SPATA13: variants seen among roughly 807,000 people sequenced by gnomAD.
SPATA13 encodes the protein spermatogenesis-associated protein 13.
SPATA13 carries 50 observed loss-of-function variants against 104.0 expected under a neutral mutation model. The ratio of observed to expected loss-of-function variants is 0.48; its 90% confidence interval spans 0.38 to 0.61. The LOEUF (loss-of-function observed/expected upper bound fraction) is 0.61, where lower values mean the gene tolerates loss of function less well. SPATA13 is among the 20% of genes least tolerant of loss of function. SPATA13 has a pLI of 0.00. For missense variants in SPATA13, 1,524 were observed against 1,690.6 expected (o/e 0.90, Z 1.73); for synonymous variants, 606 against 667.5 (o/e 0.91, Z 1.42).
Position 24,150,194 on chromosome 13 carries a change from C to T in SPATA13, c.-111-72625C>T, listed in dbSNP as rs114611074. Among the ~76,000 whole-genome samples the T allele has an allele frequency of 5.3e-3, 803 of 152,274 alleles. 7 individuals carry two copies. Among genetic ancestry groups the T allele is most frequent in the African/African-American group, 0.019 (778 of 41,552 alleles). ...GACACATTGGCTCTACAGTGCCCGT[C>T]TCCCGTGCTCTCCTCCCACAGCCTC... On this transcript the variant is annotated intron_variant, in intron 3 of 14. Coordinates refer to the SPATA13 transcript ENST00000424834.
At chr13:24,189,639 T>TTC (rs1869400219) in intron 1 of SPATA13, among the ~76,000 whole-genome samples, 1 of 19,148 alleles carries the variant, frequency 5.2e-5, no homozygotes, top group Non-Finnish European at 1.9e-4. Flanking sequence ...ATATATATAT[T>TTC]TATATATATA....
At chr13:23,986,830 A>G (rs567721601) in intron 2 of SPATA13, among the ~76,000 whole-genome samples, 28 of 152,136 alleles carry the variant, frequency 1.8e-4, no homozygotes, top group Non-Finnish European at 4.0e-4. Flanking sequence ...TTGCTGTTGT[A>G]TTCCATCTCA....
chr13:24,173,120 C>A (rs1883049701), intron 1 of SPATA13, among the ~76,000 whole-genome samples: 1 of 152,078 alleles, frequency 6.6e-6, no homozygotes. Flanking sequence ...CTCCGTCATC[C>A]AGGCTGGAGT....
chr13:24,137,728 C>T (rs1165903784), intron 3 of SPATA13, among the ~76,000 whole-genome samples: 1 of 152,172 alleles, frequency 6.6e-6, no homozygotes, highest in Non-Finnish European at 1.5e-5. Flanking sequence ...TAATGCACTC[C>T]AGCCTGGGAG....
intron 1 of SPATA13, among the ~76,000 whole-genome samples, chr13:24,181,806 T>C (rs1868831111): frequency 6.7e-6 from 1 of 148,966 alleles, no homozygotes; most frequent in Admixed American, 6.8e-5. Context: ...GCATACACTT[T>C]ACATGAACTA....
chr13:24,302,990 C>G lies in SPATA13; in HGVS notation c.*217C>G, dbSNP rs548236875. ...GACGGTCATGACACAAAGCTTTATC[C>G]TACACAGAAACACCCGTGACCCACT... On this transcript the variant is annotated 3_prime_UTR_variant, in exon 13 of 13. Coordinates refer to ENST00000382108, the MANE Select transcript of SPATA13 (RefSeq NM_001166271.3). The G allele has an allele frequency of 2.7e-4, 165 of 615,146 alleles. 10 individuals are homozygous for G. The South Asian group carries it at 3.0e-3, about 11-fold the overall frequency. 38.1% of individuals were successfully genotyped at this position (615,146 alleles called of 1,614,324 possible).
At chr13:24,102,832 G>A (rs575576347) in intron 3 of SPATA13, among the ~76,000 whole-genome samples, 38 of 152,182 alleles carry the variant, frequency 2.5e-4, no homozygotes, top group African/African-American at 8.9e-4. Flanking sequence ...TGCTTTTGTT[G>A]CCGATGGTTT....
chr13:24,038,726 G>A (rs1877807961), intron 3 of SPATA13, among the ~76,000 whole-genome samples: 1 of 152,146 alleles, frequency 6.6e-6, no homozygotes, highest in Non-Finnish European at 1.5e-5. Flanking sequence ...ACAAGCAGGG[G>A]CTGCATTTGG....
intron 4 of SPATA13, among the ~76,000 whole-genome samples, chr13:24,263,608 T>A (rs1874161949): frequency 6.6e-6 from 1 of 152,236 alleles, no homozygotes; most frequent in Non-Finnish European, 1.5e-5. Flanking sequence ...CTTAAAGACC[T>A]AATATTAATG....
intron 3 of SPATA13, among the ~76,000 whole-genome samples, chr13:24,065,673 G>T (rs577420629): frequency 3.1e-4 from 47 of 152,186 alleles, no homozygotes; most frequent in Non-Finnish European, 6.5e-4. Flanking sequence ...TTGATGAATA[G>T]ATGGAATTAA....
intron 3 of SPATA13, among the ~76,000 whole-genome samples, chr13:24,113,832 T>G (rs1377865602): frequency 8.2e-6 from 1 of 122,314 alleles, no homozygotes. Flanking sequence ...ATTGCACCAC[T>G]ACACTCCAGT....
chr13:24,278,973 C>CTT (rs1875261746), intron 4 of SPATA13, among the ~76,000 whole-genome samples: 1 of 39,804 alleles, frequency 2.5e-5, no homozygotes, highest in African/African-American at 7.9e-5. Context: ...TCCCTCCTTC[C>CTT]CTCCCTCCCT....
chr13:24,275,024 C>T (rs902029554), intron 4 of SPATA13, among the ~76,000 whole-genome samples: 2 of 152,216 alleles, frequency 1.3e-5, no homozygotes, highest in African/African-American at 4.8e-5. Flanking sequence ...GGACTACCCT[C>T]CCCCACTTAT....
chr13:24,067,658 T>A (rs2137761810), intron 3 of SPATA13, among the ~76,000 whole-genome samples: 1 of 152,310 alleles, frequency 6.6e-6, no homozygotes, highest in East Asian at 1.9e-4. Flanking sequence ...AACAGAATCT[T>A]GGGGTAGAAA....
At chr13:24,123,646 C>A in intron 3 of SPATA13, 6 of 1,604,266 alleles carry the variant, frequency 3.7e-6, no homozygotes, top group East Asian at 2.2e-5. Context: ...GAAATGAAAT[C>A]TTCAAACACA....
intron 1 of SPATA13, among the ~76,000 whole-genome samples, chr13:24,174,472 T>C (rs1321919831): frequency 1.3e-5 from 2 of 152,070 alleles, no homozygotes; most frequent in Non-Finnish European, 2.9e-5. Context: ...GTGCTATCAG[T>C]TTCCCTCACA....
chr13:24,054,009 C>G (rs754296803), intron 3 of SPATA13, among the ~76,000 whole-genome samples: 1 of 152,104 alleles, frequency 6.6e-6, no homozygotes, highest in Non-Finnish European at 1.5e-5. Context: ...GTTGGGGTGA[C>G]GGAGGCTCCT....
intron 3 of SPATA13, among the ~76,000 whole-genome samples, chr13:24,097,583 A>G (rs1880123147): frequency 6.6e-6 from 1 of 152,198 alleles, no homozygotes; most frequent in Non-Finnish European, 1.5e-5. Flanking sequence ...CAACTAGAAC[A>G]ACTCATGGAC....
rs148102655 is a variant in SPATA13 at position 24,289,097 on chromosome 13, A to G, written c.2766A>G (p.Arg922=). The G allele has an allele frequency of 1.9e-6, 3 of 1,613,772 alleles. No individual in the cohort carries two copies. The highest frequency in any genetic ancestry group is 2.7e-5 in the African/African-American group (2 of 74,922). The stretch of plus-strand genomic sequence containing the variant: ...TTGAAGATATTTACAAATTCCAAAG[A>G]AAGTTTCTGAAAGACCTTGAGAAAC... ...GNIEDIYKFQ[R]KFLKDLEKQY... Residue 922 remains arginine, a synonymous_variant, in exon 8 of 13, where the codon AGA becomes AGG. Coordinates refer to ENST00000382108, the MANE Select transcript of SPATA13 (RefSeq NM_001166271.3).
Sources: gnomAD v4.1 joint callset for allele counts (sites outside exome capture counted in the v4.1 genomes callset) on GRCh38, gnomAD v4.1.1 for gene constraint, MANE v1.5 for transcripts, NCBI Gene and HGNC (gene_info 2026-07-23, HGNC 2026-07-21) for gene names.